DAPK1: variants seen among roughly 807,000 people sequenced by gnomAD.
DAPK1 encodes the protein death-associated protein kinase 1.
In DAPK1, 56 loss-of-function variants were observed where a neutral mutation model predicts 144.9. That is an observed-to-expected ratio of 0.39 (90% CI 0.31 to 0.48). DAPK1 has a LOEUF of 0.48. Among genes scored for constraint, DAPK1 ranks in the 20% least tolerant of loss-of-function variants. DAPK1 has a pLI of 0.95. For missense variants in DAPK1, 1,454 were observed against 1,875.4 expected, an observed-to-expected ratio of 0.78 and a Z score of 4.15; for synonymous variants, 690 against 749.0, an observed-to-expected ratio of 0.92 and a Z score of 1.29.
intron 24 of DAPK1, among the ~76,000 whole-genome samples, chr9:87,700,529 C>T (rs534164650): frequency 6.6e-6 from 1 of 152,264 alleles, no homozygotes; most frequent in African/African-American, 2.4e-5. Context: ...GACAGGATCT[C>T]ACACTGTCAT....
chr9:87,531,566 G>A lies in DAPK1; in HGVS notation c.62+32427G>A, dbSNP rs184460217. Among the ~76,000 whole-genome samples the A allele has an allele frequency of 3.2e-3, 484 of 152,248 alleles. 3 individuals carry two copies. The highest frequency in any genetic ancestry group is 0.011 in the African/African-American group (449 of 41,552). The stretch of plus-strand genomic sequence containing the variant: ...TGGTGCAAACCTGTGCTGCAATATT[G>A]ACCTGAGGATGAGTAGAAAAAGGCA... On this transcript the variant is annotated intron_variant, in intron 2 of 25. Coordinates refer to ENST00000408954, the MANE Select transcript of DAPK1 (RefSeq NM_004938.4).
chr9:87,539,368 G>A (rs996319589), intron 2 of DAPK1, among the ~76,000 whole-genome samples: 3 of 151,158 alleles, frequency 2.0e-5, no homozygotes, highest in Admixed American at 6.6e-5. Context: ...ATTTAACCTC[G>A]ATATGAAAAT....
At chr9:87,563,767 A>ATG in intron 2 of DAPK1, among the ~76,000 whole-genome samples, 2 of 152,150 alleles carry the variant, frequency 1.3e-5, no homozygotes, top group African/African-American at 4.8e-5. Context: ...GGCTGAGCCT[A>ATG]GCCAGCACCA....
intron 2 of DAPK1, among the ~76,000 whole-genome samples, chr9:87,500,475 T>C (rs1194820306): frequency 1.3e-5 from 2 of 152,200 alleles, no homozygotes; most frequent in African/African-American, 4.8e-5. Context: ...AGTTTTCCTT[T>C]GGGACTGGAA....
At chr9:87,525,417 T>C in intron 2 of DAPK1, 1 of 1,611,260 alleles carries the variant, frequency 6.2e-7, no homozygotes, top group Non-Finnish European at 8.5e-7. Flanking sequence ...GGCCTCAATA[T>C]GTGCCGCCAG....
chr9:87,696,187 C>G (rs1175265710), intron 21 of DAPK1, among the ~76,000 whole-genome samples: 1 of 146,524 alleles, frequency 6.8e-6, no homozygotes, highest in Non-Finnish European at 1.5e-5. Flanking sequence ...ACACACATTT[C>G]CATGTAAGCA....
chr9:87,694,082 A>G (rs1825174144), intron 21 of DAPK1, among the ~76,000 whole-genome samples: 1 of 152,258 alleles, frequency 6.6e-6, no homozygotes, highest in East Asian at 1.9e-4. Context: ...TAGTAGTAGC[A>G]GTGGGCCAGG....
At chr9:87,524,311 TCAGGGAG>T (rs1343418757) in intron 2 of DAPK1, among the ~76,000 whole-genome samples, 1 of 152,152 alleles carries the variant, frequency 6.6e-6, no homozygotes, top group Admixed American at 6.5e-5. Flanking sequence ...GACCTGAGAG[TCAGGGAG>T]CACCTCTTGT....
In DAPK1 at chr9:87,651,685, C is replaced by T. The variant is rs763709741; in HGVS notation, c.1785C>T (p.Ala595=). ...ATGGCAACATGCCTATCGTGGTGGC[C>T]CTCTGTGAAGCAAACTGCAATTTGG... The part of the protein sequence containing the change: ...CKDGNMPIVV[A]LCEANCNLDI... The change falls in exon 17 of 26, where the codon GCC becomes GCT. Residue 595 remains alanine, a synonymous_variant. Transcript: ENST00000408954. 3.1e-6 allele frequency: 5 copies of T among 1,614,182 alleles called. No individual in the cohort carries two copies. Among genetic ancestry groups the T allele is most frequent in the East Asian group, 2.2e-5 (1 of 44,884 alleles).
At chr9:87,612,346 T>C (rs138198332) in intron 3 of DAPK1, among the ~76,000 whole-genome samples, 1 of 152,338 alleles carries the variant, frequency 6.6e-6, no homozygotes, top group East Asian at 1.9e-4. Flanking sequence ...CCTAATCTGA[T>C]AGGACTGGTG....
chr9:87,609,182 G>C (rs985816291), intron 3 of DAPK1, among the ~76,000 whole-genome samples: 4 of 152,188 alleles, frequency 2.6e-5, no homozygotes, highest in African/African-American at 9.7e-5. Flanking sequence ...TGAAGCATCA[G>C]CTCTTCCTGC....
chr9:87,588,960 C>G (rs1190602267), intron 2 of DAPK1, among the ~76,000 whole-genome samples: 2 of 151,886 alleles, frequency 1.3e-5, no homozygotes, highest in East Asian at 3.9e-4. Flanking sequence ...GCAATCTCAG[C>G]TCACTGCGAC....
At chr9:87,498,765 C>T (rs935871360) in intron 1 of DAPK1, 2 of 434,786 alleles carry the variant, frequency 4.6e-6, no homozygotes, top group Admixed American at 7.6e-5. Flanking sequence ...GCCGTGGTGC[C>T]CGGCCCCACG....
chr9:87,544,926 A>G (rs1038600394), intron 2 of DAPK1, among the ~76,000 whole-genome samples: 1 of 152,102 alleles, frequency 6.6e-6, no homozygotes, highest in Non-Finnish European at 1.5e-5. Flanking sequence ...CTCTGCTTCC[A>G]TGCACCTTTG....
At chr9:87,636,678 T>C (rs1829905953) in intron 3 of DAPK1, among the ~76,000 whole-genome samples, 1 of 152,190 alleles carries the variant, frequency 6.6e-6, no homozygotes, top group South Asian at 2.1e-4. Context: ...AGCACCAATT[T>C]TCTTACTCTG....
At chr9:87,659,029 G>A (rs1047482612) in intron 18 of DAPK1, among the ~76,000 whole-genome samples, 1 of 152,250 alleles carries the variant, frequency 6.6e-6, no homozygotes. Flanking sequence ...TATTGGCCCT[G>A]GCGGCTTCCA....
intron 19 of DAPK1, 177 bp downstream of exon 19, chr9:87,668,851 C>G: frequency 1.7e-6 from 1 of 593,966 alleles, no homozygotes; most frequent in Non-Finnish European, 3.0e-6. Flanking sequence ...AGCTCCCTAT[C>G]TGTTTTCTTC....
intron 2 of DAPK1, among the ~76,000 whole-genome samples, chr9:87,571,465 A>ACCCCCC (rs1564000736): frequency 1.7e-5 from 1 of 60,150 alleles, no homozygotes; most frequent in African/African-American, 8.5e-5. Flanking sequence ...ACACACACAC[A>ACCCCCC]CACACACACC....
chr9:87,659,617 G>A (rs962766183), intron 18 of DAPK1, among the ~76,000 whole-genome samples: 1 of 152,192 alleles, frequency 6.6e-6, no homozygotes, highest in East Asian at 1.9e-4. Context: ...TGAGCCGCGG[G>A]CCCCTCTGCC....
Sources: allele counts gnomAD v4.1 joint callset (sites outside exome capture counted in the v4.1 genomes callset), GRCh38; gene constraint gnomAD v4.1.1; transcripts MANE v1.5; gene names NCBI Gene and HGNC (gene_info 2026-07-23, HGNC 2026-07-21).